YTHDC2: variants seen among roughly 807,000 people sequenced by gnomAD.
YTHDC2 encodes 3'-5' RNA helicase YTHDC2.
In YTHDC2, 45 loss-of-function variants were observed where a neutral mutation model predicts 174.9. The ratio of observed to expected loss-of-function variants is 0.26; its 90% CI spans 0.20 to 0.33. The LOEUF (loss-of-function observed/expected upper bound fraction) is 0.33. YTHDC2 is among the 10% of genes least tolerant of loss of function. YTHDC2 has a pLI of 1.00. For synonymous variants in YTHDC2, 657 were observed against 574.5 expected, an observed-to-expected ratio of 1.14 and a Z score of -2.05; for missense variants, 1,650 against 1,723.7, an observed-to-expected ratio of 0.96 and a Z score of 0.76.
chr5:113,560,947 G>A, intron 17 of YTHDC2, 133 bp from the exon 18 acceptor site: 1 of 674,790 alleles, frequency 1.5e-6, no homozygotes, highest in Non-Finnish European at 2.3e-6. Context: ...AAGAGGATAA[G>A]AAACAGAATA....
At position 113,579,472 on chromosome 5, in the gene YTHDC2, A is replaced by G. The variant is rs549489075; in HGVS notation, c.3245-114A>G. ...TTTGAGTTTGAAGGACTTCCCACACAAATTGTTGTATGTCAGGAGGGTTTG... is the reference window on the plus strand; with the variant it reads ...TTTGAGTTTGAAGGACTTCCCACACGAATTGTTGTATGTCAGGAGGGTTTG... On this transcript the variant is annotated intron_variant, in intron 23 of 29. Transcript: ENST00000161863. The G allele has an allele frequency of 3.2e-4, 202 of 623,096 alleles. No homozygotes were observed. In the East Asian group the frequency reaches 6.1e-3, roughly 19 times the overall value. The allele number at this position is 623,096 out of a possible 1,614,324, so 38.6% of individuals were successfully genotyped here.
Position 113,530,547 on chromosome 5 carries a change from C to A in YTHDC2, c.676-2332C>A, listed in dbSNP as rs1223314266. On this transcript the variant is annotated intron_variant, in intron 4 of 29. Transcript: ENST00000161863. Reference sequence around the variant, plus strand: ...GCGAGTACCTTAAATAACAAAATAACCCTAATTCCTCCCTCCTGTCCCTTG... The same window carrying A: ...GCGAGTACCTTAAATAACAAAATAAACCTAATTCCTCCCTCCTGTCCCTTG... 2.0e-5 allele frequency among the ~76,000 whole-genome samples: 3 copies of A among 151,998 alleles called. No homozygotes were observed. The East Asian group carries it at 5.8e-4, about 29-fold the overall frequency.
rs779176512 is a variant in YTHDC2, at chr5:113,593,381, T to G, written c.4291T>G (p.Ter1431GlyextTer15). 2.5e-6 allele frequency: 4 copies of G among 1,611,766 alleles called. No homozygotes were observed. Among genetic ancestry groups the G allele is most frequent in the Admixed American group, 3.3e-5 (2 of 59,960 alleles). Residue 1431 changes from the stop codon to glycine, a stop_lost, in exon 29 of 30, where the codon TGA (stop) becomes GGA (glycine). Transcript: ENST00000161863. ...CTTGGGAGAAAAAAACACAACTGAT[T>G]GACACTCAGGTTATACCATCTTGAC... The part of the protein sequence containing the change: ...LPLGEKNTTD[*>G]
At chr5:113,529,315 T>C (rs1350699672) in intron 4 of YTHDC2, among the ~76,000 whole-genome samples, 1 of 152,182 alleles carries the variant, frequency 6.6e-6, no homozygotes, top group Non-Finnish European at 1.5e-5. Flanking sequence ...AGAGTAGGAA[T>C]CTTTCTCTTA....
rs376001160 is a variant in YTHDC2, at chr5:113,532,944, A to G, written c.741A>G (p.Gln247=). The change falls in exon 5 of 30, where the codon CAA becomes CAG. Residue 247 remains glutamine (Q), a synonymous_variant. Transcript: ENST00000161863. ...TCCCCTGCCGTATATTTTGTACTCA[A>G]CCAAGACGATTGGCAGCTATCGCTG... The part of the protein sequence containing the change: ...NGIPCRIFCT[Q]PRRLAAIAVA... 3.3e-5 allele frequency: 54 copies of G among 1,614,062 alleles called. No homozygotes were observed. The highest frequency in any genetic ancestry group is 4.3e-5 in the Non-Finnish European group (51 of 1,180,040).
Position 113,541,228 on chromosome 5 carries a change from G to C in YTHDC2, c.1359+112G>C, listed in dbSNP as rs1238614833. On this transcript the variant is annotated intron_variant, in intron 9 of 29. Transcript: ENST00000161863. Reference sequence around the variant, plus strand: ...TTTTTTTGAGATGGAGTCTGGCTCTGTGGCCCAGGCTGGAGTGGAGTGGCG... The same window carrying C: ...TTTTTTTGAGATGGAGTCTGGCTCTCTGGCCCAGGCTGGAGTGGAGTGGCG... 28 of 1,219,484 alleles carry C rather than the reference G, an allele frequency of 2.3e-5. No individual in the cohort carries two copies. In the East Asian group the frequency reaches 6.6e-4, roughly 29 times the overall value. 75.5% of individuals were successfully genotyped at this position (1,219,484 alleles called of 1,614,324 possible). A position where few individuals can be genotyped will look rare whatever the true frequency, so the allele number is the denominator to read the frequency against.
rs1779159650 is a variant in YTHDC2 at position 113,594,444 on chromosome 5, CT to C, written c.*972del. 6.6e-6 allele frequency: 1 copy of C among 152,156 alleles called. No individual in the cohort carries two copies. Among genetic ancestry groups the C allele is most frequent in the African/African-American group, 2.4e-5 (1 of 41,432 alleles). 9.4% of individuals were successfully genotyped at this position (152,156 alleles called of 1,614,324 possible). A position where few individuals can be genotyped will look rare whatever the true frequency, so the allele number is the denominator to read the frequency against. ...CAAGCGCCACAATTCTAAGTGCCGC[CT>C]TCCATTTTTTTTCAGTATGTTTTCA... On this transcript the variant is annotated 3_prime_UTR_variant, in exon 30 of 30. Coordinates refer to ENST00000161863, the MANE Select transcript of YTHDC2 (RefSeq NM_022828.5).
chr5:113,570,192 G>A lies in YTHDC2; in HGVS notation c.3244+2343G>A, dbSNP rs570080334. 2.0e-5 allele frequency among the ~76,000 whole-genome samples: 3 copies of A among 152,164 alleles called. No individual in the cohort carries two copies. The South Asian group carries it at 6.2e-4, about 32-fold the overall frequency. ...GCTCACTGTAACCTCCGCCTCCTGG[G>A]TTCAAGCAATTCTCCTGCCTGAGAC... On this transcript the variant is annotated intron_variant, in intron 23 of 29. Transcript: ENST00000161863.
intron 23 of YTHDC2, 75 bp downstream of exon 23, chr5:113,567,924 T>G: frequency 1.8e-6 from 2 of 1,138,946 alleles, no homozygotes; most frequent in African/African-American, 1.6e-5. Flanking sequence ...ATTATTTTAC[T>G]AAACCAAATA....
At chr5:113,547,584 G>A (rs1046453031) in intron 10 of YTHDC2, among the ~76,000 whole-genome samples, 1 of 151,010 alleles carries the variant, frequency 6.6e-6, no homozygotes, top group African/African-American at 2.5e-5. Flanking sequence ...GGCTATACAT[G>A]TGTGAGGCAA....
At chr5:113,560,952 A>G in intron 17 of YTHDC2, 128 bp from the exon 18 acceptor site, 1 of 698,256 alleles carries the variant, frequency 1.4e-6, no homozygotes, top group Non-Finnish European at 2.2e-6. Context: ...GATAAGAAAC[A>G]GAATAGGATT....
Position 113,592,146 on chromosome 5 carries a change from A to T in YTHDC2, c.4180A>T (p.Asn1394Tyr). 6.2e-7 allele frequency: 1 copy of T among 1,612,932 alleles called. No homozygotes were observed. The highest frequency in any genetic ancestry group is 8.5e-7 in the Non-Finnish European group (1 of 1,179,366). The change falls in exon 28 of 30, where the codon AAC (asparagine) becomes TAC (tyrosine). Residue 1394 changes from asparagine to tyrosine, a missense_variant. By Grantham distance (143) the Asn-to-Tyr change is moderately radical. Transcript: ENST00000161863. ...CCATTTACTCAATCCATGGAATGAC[A>T]ACAAGAAAGTGCAGATAAGCAGGGA... ...AHHLLNPWND[N>Y]KKVQISRDGQ...
chr5:113,542,026 A>G (rs1775515321), intron 9 of YTHDC2, among the ~76,000 whole-genome samples: 1 of 152,154 alleles, frequency 6.6e-6, no homozygotes, highest in Non-Finnish European at 1.5e-5. Context: ...CATCAGTATT[A>G]AAAAGCTCCA....
chr5:113,536,814 G>A (rs566249266), intron 7 of YTHDC2, among the ~76,000 whole-genome samples: 3 of 152,130 alleles, frequency 2.0e-5, no homozygotes, highest in South Asian at 2.1e-4. Flanking sequence ...TCACAAAAAT[G>A]TATGCAAATA....
chr5:113,591,288 G>C (rs755755423), intron 27 of YTHDC2, 44 bp downstream of exon 27: 11 of 1,584,048 alleles, frequency 6.9e-6, no homozygotes, highest in Non-Finnish European at 9.5e-6. Context: ...TCTGGCTATA[G>C]GTTAAATCAT....
chr5:113,573,482 G>A (rs1777858078), intron 23 of YTHDC2, among the ~76,000 whole-genome samples: 1 of 151,992 alleles, frequency 6.6e-6, no homozygotes, highest in Non-Finnish European at 1.5e-5. Flanking sequence ...TTATACTAGG[G>A]TTCTCTGGAT....
In YTHDC2 at chr5:113,592,069, T is replaced by C; in HGVS notation, c.4103T>C (p.Val1368Ala). 6.2e-7 allele frequency: 1 copy of C among 1,612,228 alleles called. No individual in the cohort carries two copies. Among genetic ancestry groups the C allele is most frequent in the South Asian group, 1.1e-5 (1 of 90,920 alleles). ...TGGGGCTCTGCTGGACTAGGAGGAG[T>C]ATTTAAGGTGGAGTGGATACGAAAA... The part of the protein sequence containing the change: ...QDWGSAGLGG[V>A]FKVEWIRKES... Residue 1368 changes from valine (V) to alanine (A), a missense_variant, in exon 28 of 30, where the codon GTA becomes GCA. Val to Ala is a moderately conservative substitution (Grantham distance 64). Coordinates refer to ENST00000161863, the MANE Select transcript of YTHDC2 (RefSeq NM_022828.5).
At chr5:113,559,062 A>G (rs1244775925) in intron 17 of YTHDC2, among the ~76,000 whole-genome samples, 1 of 152,168 alleles carries the variant, frequency 6.6e-6, no homozygotes, top group Non-Finnish European at 1.5e-5. Flanking sequence ...GGGAGAGGGT[A>G]GTGTAAGAAG....
chr5:113,543,395 A>G (rs532331076), intron 10 of YTHDC2, among the ~76,000 whole-genome samples: 13 of 152,342 alleles, frequency 8.5e-5, no homozygotes, highest in Middle Eastern at 3.4e-3. Context: ...ATTCATTAGC[A>G]AATCCTATTT....
Sources: gnomAD v4.1 joint callset for allele counts (sites outside exome capture counted in the v4.1 genomes callset) on GRCh38, gnomAD v4.1.1 for gene constraint, MANE v1.5 for transcripts, NCBI Gene and HGNC (gene_info 2026-07-23, HGNC 2026-07-21) for gene names.